Variants in SFMBT2 observed in about 807,000 individuals in gnomAD.
SFMBT2 encodes the protein Scm like with four mbt domains 2, also known as scm-like with four MBT domains protein 2.
Under a neutral mutation model 110.1 loss-of-function variants are expected in SFMBT2, and 38 were observed. The ratio of observed to expected loss-of-function variants is 0.35; its 90% CI spans 0.27 to 0.45. The LOEUF (loss-of-function observed/expected upper bound fraction) is 0.45. Ranked by LOEUF, SFMBT2 falls within the 20% of genes least tolerant of loss-of-function variation. The probability of loss-of-function intolerance (pLI) is 1.00; values close to 1 mark genes in which losing one functional copy is unlikely to be tolerated. For missense variants in SFMBT2, 1,011 were observed against 1,094.9 expected (o/e 0.92, Z 1.08); for synonymous variants, 425 against 425.4 (o/e 1.00, Z 0.01).
intron 4 of SFMBT2, among the ~76,000 whole-genome samples, chr10:7,354,615 T>C (rs527744763): frequency 6.6e-6 from 1 of 152,186 alleles, no homozygotes; most frequent in Non-Finnish European, 1.5e-5. Flanking sequence ...AAATCATCCT[T>C]AGAAAGACTT....
At chr10:7,204,308 T>C (rs553022047) in intron 12 of SFMBT2, 3 of 981,730 alleles carry the variant, frequency 3.1e-6, no homozygotes, top group Non-Finnish European at 3.6e-6. Context: ...AAGTCAGCTA[T>C]GCAATGGAAC....
At chr10:7,297,386 T>C (rs958725014) in intron 4 of SFMBT2, among the ~76,000 whole-genome samples, 3 of 152,172 alleles carry the variant, frequency 2.0e-5, no homozygotes, top group African/African-American at 7.2e-5. Flanking sequence ...TCCTCACTTG[T>C]AAAACAAGCC....
At chr10:7,315,052 G>GAAAGAAAGAA (rs1554802860) in intron 4 of SFMBT2, among the ~76,000 whole-genome samples, 132 of 124,886 alleles carry the variant, frequency 1.1e-3, no homozygotes, top group Non-Finnish European at 2.0e-3. Context: ...AAGAAAGAAA[G>GAAAGAAAGAA]AAAGAAAGAA....
chr10:7,206,019 G>A, intron 11 of SFMBT2, 91 bp from the exon 12 acceptor site: 2 of 1,516,012 alleles, frequency 1.3e-6, no homozygotes, highest in Non-Finnish European at 8.9e-7. Flanking sequence ...CCCTAACATG[G>A]GGAAAAACAT....
intron 11 of SFMBT2, among the ~76,000 whole-genome samples, chr10:7,217,025 A>G (rs1177442508): frequency 6.6e-6 from 1 of 152,258 alleles, no homozygotes; most frequent in African/African-American, 2.4e-5. Flanking sequence ...TGATGAAAGT[A>G]GATAAACATA....
intron 11 of SFMBT2, among the ~76,000 whole-genome samples, chr10:7,217,157 T>A (rs1339641811): frequency 6.6e-6 from 1 of 152,146 alleles, no homozygotes. Flanking sequence ...AGGAGAATGG[T>A]GCCAGTCAGG....
intron 4 of SFMBT2, among the ~76,000 whole-genome samples, chr10:7,330,955 C>T (rs554644132): frequency 6.6e-6 from 1 of 152,344 alleles, no homozygotes; most frequent in Admixed American, 6.5e-5. Flanking sequence ...TCTTCAAGCC[C>T]AGCTACTGTC....
At chr10:7,257,685 A>G (rs1055360535) in intron 7 of SFMBT2, among the ~76,000 whole-genome samples, 1 of 152,190 alleles carries the variant, frequency 6.6e-6, no homozygotes, top group African/African-American at 2.4e-5. Flanking sequence ...CATTTACTTG[A>G]GGGGCTTGAA....
chr10:7,357,455 C>T (rs1458863986), intron 4 of SFMBT2, among the ~76,000 whole-genome samples: 1 of 152,168 alleles, frequency 6.6e-6, no homozygotes, highest in Non-Finnish European at 1.5e-5. Flanking sequence ...GATTCTCCAG[C>T]AGGCAGCCTT....
intron 4 of SFMBT2, among the ~76,000 whole-genome samples, chr10:7,286,968 T>A (rs576841424): frequency 2.6e-5 from 4 of 151,376 alleles, no homozygotes; most frequent in Admixed American, 2.0e-4. Flanking sequence ...AAGAAAAGAG[T>A]CTAAAAGCAG....
At chr10:7,370,022 A>C (rs1845018462) in intron 3 of SFMBT2, among the ~76,000 whole-genome samples, 1 of 152,054 alleles carries the variant, frequency 6.6e-6, no homozygotes, top group Admixed American at 6.6e-5. Flanking sequence ...CACCACACCC[A>C]GCTAATTTTT....
chr10:7,281,339 G>A (rs754823581), intron 6 of SFMBT2, among the ~76,000 whole-genome samples: 4 of 152,126 alleles, frequency 2.6e-5, no homozygotes, highest in African/African-American at 9.7e-5. Context: ...GATGGTCCCG[G>A]CAGCAGGGAA....
intron 16 of SFMBT2, among the ~76,000 whole-genome samples, chr10:7,179,391 GAAAAAA>G (rs57497418): frequency 2.1e-4 from 15 of 70,328 alleles, no homozygotes; most frequent in Non-Finnish European, 3.9e-4. Context: ...TTGCATTTTC[GAAAAAA>G]AAAAAAAAAA....
chr10:7,270,921 C>T (rs768071608), intron 7 of SFMBT2, among the ~76,000 whole-genome samples: 40 of 152,024 alleles, frequency 2.6e-4, no homozygotes, highest in Non-Finnish European at 1.2e-4. Flanking sequence ...ATGTGTATAC[C>T]TTTTGAGTCT....
In SFMBT2 at chr10:7,171,514, C is replaced by G; in HGVS notation, c.2415+381G>C. The G allele has an allele frequency of 3.0e-6, 3 of 985,414 alleles. No individual in the cohort carries two copies. Among genetic ancestry groups the G allele is most frequent in the Non-Finnish European group, 2.4e-6 (2 of 829,924 alleles). 61.0% of individuals were successfully genotyped at this position (985,414 alleles called of 1,614,324 possible). On this transcript the variant is annotated intron_variant, in intron 19 of 20. Transcript: ENST00000397167. This position sits in a 1 kb window ranked among gnomAD's most constrained non-coding sequence, Gnocchi z 4.9. ...GAAACACTGATTAAATATTTTAAAA[C>G]ATCACAGAGGTGTCCTATAGAGGGG...
intron 7 of SFMBT2, among the ~76,000 whole-genome samples, chr10:7,268,669 C>T (rs1431856552): frequency 6.6e-6 from 1 of 152,036 alleles, no homozygotes; most frequent in Non-Finnish European, 1.5e-5. Flanking sequence ...CACCACCACG[C>T]CCAGCTAATT....
intron 7 of SFMBT2, chr10:7,249,664 A>AGTCCT: frequency 1.6e-5 from 8 of 503,722 alleles, no homozygotes; most frequent in Non-Finnish European, 2.1e-5. Flanking sequence ...TGAGGACTGC[A>AGTCCT]CAGAGCCCAG....
At chr10:7,212,161 G>A (rs1445688627) in intron 11 of SFMBT2, among the ~76,000 whole-genome samples, 2 of 152,196 alleles carry the variant, frequency 1.3e-5, no homozygotes, top group East Asian at 3.9e-4. Flanking sequence ...GGGATGTGGA[G>A]GGCAGTTTGC....
chr10:7,249,154 G>T (rs1840718488), intron 7 of SFMBT2: 6 of 678,298 alleles, frequency 8.8e-6, no homozygotes, highest in Non-Finnish European at 1.1e-5. Context: ...GTAAGGGTAG[G>T]GGTACTCAAG....
Sources: gnomAD v4.1 joint callset for allele counts (sites outside exome capture counted in the v4.1 genomes callset) on GRCh38, gnomAD v4.1.1 for gene constraint, Gnocchi (gnomAD v3.1) non-coding constraint, MANE v1.5 for transcripts, NCBI Gene and HGNC (gene_info 2026-07-23, HGNC 2026-07-21) for gene names.